Variants in TBL1X observed in about 807,000 individuals in gnomAD.
The protein encoded by TBL1X is transducin beta like 1 X-linked.
A neutral mutation model predicts 50.7 loss-of-function variants in TBL1X; 10 were observed. The observed-to-expected ratio is 0.20, with a 90% CI of 0.12 to 0.33. The LOEUF (loss-of-function observed/expected upper bound fraction) is 0.33. Ranked by LOEUF, TBL1X falls within the 10% of genes least tolerant of loss-of-function variation. TBL1X has a pLI of 1.00. For missense variants in TBL1X, 340 were observed against 504.4 expected (o/e 0.67, Z 3.12); for synonymous variants, 190 against 214.7 (o/e 0.88, Z 1.01).
chrX:9,660,798 T>C (rs768825010), intron 5 of TBL1X, among the ~76,000 whole-genome samples: 20 of 112,376 alleles, frequency 1.8e-4, no homozygotes, highest in African/African-American at 6.5e-4. Context: ...TATATATGGC[T>C]CTGTGTTATA....
At chrX:9,659,278 C>T (rs1000496374) in intron 5 of TBL1X, among the ~76,000 whole-genome samples, 56 of 112,338 alleles carry the variant, frequency 5.0e-4, no homozygotes, top group African/African-American at 1.7e-3. Flanking sequence ...CTCTTCCACC[C>T]CCACCCTGCC....
chrX:9,476,618 G>C (rs1178254988), intron 1 of TBL1X, among the ~76,000 whole-genome samples: 2 of 112,054 alleles, frequency 1.8e-5, no homozygotes, highest in Non-Finnish European at 3.8e-5. Context: ...CTGGGAGTTT[G>C]AGGCACAGAG....
In TBL1X at chrX:9,615,704, A is replaced by T. The variant is rs544506294; in HGVS notation, c.-130-24569A>T. 5.4e-5 allele frequency among the ~76,000 whole-genome samples: 6 copies of T among 111,851 alleles called. No individual in the cohort carries two copies. The South Asian group carries it at 2.3e-3, about 42-fold the overall frequency. ...TTAATGATTAGAGGGAGTAGTGAAGATTTTCACTGTGAACATTTTCACCCC... is the reference window on the plus strand; with the variant it reads ...TTAATGATTAGAGGGAGTAGTGAAGTTTTTCACTGTGAACATTTTCACCCC... On this transcript the variant is annotated intron_variant, in intron 2 of 17. Coordinates refer to ENST00000645353, the MANE Select transcript of TBL1X (RefSeq NM_005647.4).
At chrX:9,571,983 G>A (rs979220381) in intron 2 of TBL1X, among the ~76,000 whole-genome samples, 3 of 111,940 alleles carry the variant, frequency 2.7e-5, no homozygotes, top group African/African-American at 9.8e-5. Flanking sequence ...ATCCATTCAT[G>A]CATCGATGGA....
chrX:9,604,911 G>A (rs1457951842), intron 2 of TBL1X, among the ~76,000 whole-genome samples: 1 of 111,125 alleles, frequency 9.0e-6, no homozygotes, highest in Non-Finnish European at 1.9e-5. Context: ...GTTTTCTCGG[G>A]AAGAAATGAT....
At chrX:9,486,453 C>T (rs1015953460) in intron 1 of TBL1X, among the ~76,000 whole-genome samples, 16 of 110,222 alleles carry the variant, frequency 1.5e-4, no homozygotes, top group Non-Finnish European at 1.9e-5. Flanking sequence ...AGGCTGGTCT[C>T]GAGCTCCTGG....
intron 13 of TBL1X, among the ~76,000 whole-genome samples, chrX:9,707,838 G>A (rs987337216): frequency 1.1e-4 from 12 of 112,070 alleles, no homozygotes; most frequent in Admixed American, 6.6e-4. Context: ...CCTGGGCCGC[G>A]AAACTTCTTC....
At chrX:9,538,454 A>T (rs1316647374) in intron 2 of TBL1X, among the ~76,000 whole-genome samples, 1 of 112,162 alleles carries the variant, frequency 8.9e-6, no homozygotes, top group Non-Finnish European at 1.9e-5. Flanking sequence ...TAAATTTGGT[A>T]AAAGGAAAGT....
At chrX:9,646,582 A>G (rs1409225575) in intron 3 of TBL1X, among the ~76,000 whole-genome samples, 1 of 111,642 alleles carries the variant, frequency 9.0e-6, no homozygotes, top group Admixed American at 9.5e-5. Flanking sequence ...GTTCAAGCAG[A>G]TCTTCCAGTG....
At chrX:9,622,702 A>G (rs942990604) in intron 2 of TBL1X, among the ~76,000 whole-genome samples, 2 of 111,728 alleles carry the variant, frequency 1.8e-5, no homozygotes, top group African/African-American at 6.5e-5. Context: ...GGGTTTTGCC[A>G]TGTTGGCCAG....
chrX:9,648,799 G>A (rs2082818648), intron 3 of TBL1X, among the ~76,000 whole-genome samples: 1 of 112,225 alleles, frequency 8.9e-6, no homozygotes. Context: ...ACATTTATTT[G>A]TGGGAAATTA....
intron 2 of TBL1X, among the ~76,000 whole-genome samples, chrX:9,584,545 G>T (rs1298961411): frequency 8.9e-6 from 1 of 111,931 alleles, no homozygotes; most frequent in Non-Finnish European, 1.9e-5. Context: ...TTCCCTGTTG[G>T]GGAGAGGTGG....
At chrX:9,700,676 G>A (rs897983562) in intron 12 of TBL1X, among the ~76,000 whole-genome samples, 11 of 111,844 alleles carry the variant, frequency 9.8e-5, no homozygotes, top group African/African-American at 3.2e-4. Flanking sequence ...TTCTGTGGCT[G>A]TGGCAGGTTT....
At chrX:9,698,667 T>A (rs919191852) in intron 12 of TBL1X, among the ~76,000 whole-genome samples, 1 of 112,104 alleles carries the variant, frequency 8.9e-6, no homozygotes, top group Non-Finnish European at 1.9e-5. Flanking sequence ...ATAAACACAC[T>A]GTTTGCACAA....
chrX:9,535,292 T>C (rs1024986900), intron 2 of TBL1X, among the ~76,000 whole-genome samples: 1 of 112,514 alleles, frequency 8.9e-6, no homozygotes, highest in Non-Finnish European at 1.9e-5. Context: ...TCCAGTCCCC[T>C]GTAAGGAAAC....
Position 9,569,348 on chromosome X carries a change from C to CTGTG in TBL1X, c.-131+67512_-131+67515dup, listed in dbSNP as rs1175094979. Among the ~76,000 whole-genome samples, 16 of 90,638 alleles carry CTGTG rather than the reference C, an allele frequency of 1.8e-4. No individual in the cohort carries two copies. The Admixed American group carries it at 1.8e-3, about 10-fold the overall frequency. 78.7% of individuals were successfully genotyped at this position (90,638 alleles called of 115,157 possible). On this transcript the variant is annotated intron_variant, in intron 2 of 17. Transcript: ENST00000645353. The stretch of plus-strand genomic sequence containing the variant: ...GTGTTGTGTCTATCTGTGCAGTGTG[C>CTGTG]TGTGTGTGTGTGTGTGGTGTGCTGT...
At chrX:9,645,559 C>T (rs1260695925) in intron 3 of TBL1X, among the ~76,000 whole-genome samples, 1 of 111,822 alleles carries the variant, frequency 8.9e-6, no homozygotes, top group African/African-American at 3.3e-5. Flanking sequence ...ATGGAGGCGT[C>T]ACTGCTCGGC....
intron 2 of TBL1X, among the ~76,000 whole-genome samples, chrX:9,587,144 C>T (rs2082474219): frequency 8.9e-6 from 1 of 112,055 alleles, no homozygotes. Context: ...CCTGGAGGCA[C>T]CGAGCGCTGG....
intron 3 of TBL1X, among the ~76,000 whole-genome samples, chrX:9,641,923 A>G (rs945717309): frequency 1.8e-5 from 2 of 112,260 alleles, no homozygotes; most frequent in African/African-American, 6.5e-5. Flanking sequence ...ACACACATAT[A>G]CAAGTTTTTT....
Sources: allele counts gnomAD v4.1 joint callset (sites outside exome capture counted in the v4.1 genomes callset), GRCh38; gene constraint gnomAD v4.1.1; transcripts MANE v1.5; gene names NCBI Gene and HGNC (gene_info 2026-07-23, HGNC 2026-07-21).